Variants in PTPN4 observed in about 807,000 individuals in gnomAD.
PTPN4 encodes tyrosine-protein phosphatase non-receptor type 4.
PTPN4 carries 49 observed loss-of-function variants against 135.5 expected under a neutral mutation model. That is an observed-to-expected ratio of 0.36 (90% CI 0.29 to 0.46). PTPN4 has a LOEUF of 0.46. PTPN4 is among the 20% of genes least tolerant of loss of function. The probability of loss-of-function intolerance (pLI) is 1.00; values close to 1 mark genes in which losing one functional copy is unlikely to be tolerated. For missense variants in PTPN4, 860 were observed against 1,101.0 expected (o/e 0.78, Z 3.10); for synonymous variants, 333 against 369.9 (o/e 0.90, Z 1.14).
At chr2:119,788,267 TA>T (rs1315263389) in intron 1 of PTPN4, among the ~76,000 whole-genome samples, 1 of 152,062 alleles carries the variant, frequency 6.6e-6, no homozygotes, top group Non-Finnish European at 1.5e-5. Flanking sequence ...TTATTTAGAA[TA>T]AGAGAGATCA....
chr2:119,829,771 C>G (rs542144206), intron 2 of PTPN4, among the ~76,000 whole-genome samples: 7 of 152,208 alleles, frequency 4.6e-5, no homozygotes, highest in African/African-American at 1.7e-4. Context: ...ATTAATGTTG[C>G]AAACATTGGC....
chr2:119,942,211 T>C (rs1406321027), intron 15 of PTPN4, among the ~76,000 whole-genome samples: 2 of 152,072 alleles, frequency 1.3e-5, no homozygotes, highest in African/African-American at 4.8e-5. Flanking sequence ...ACCCCAGAAG[T>C]AGAGATTCAA....
intron 15 of PTPN4, among the ~76,000 whole-genome samples, chr2:119,938,853 A>G (rs1350834037): frequency 6.6e-6 from 1 of 152,176 alleles, no homozygotes; most frequent in Admixed American, 6.5e-5. Context: ...CACTGCCACA[A>G]AAAGTTTGGA....
At chr2:119,855,193 C>T (rs1245144145) in intron 2 of PTPN4, among the ~76,000 whole-genome samples, 1 of 152,174 alleles carries the variant, frequency 6.6e-6, no homozygotes, top group African/African-American at 2.4e-5. Flanking sequence ...TCTACCCTTT[C>T]AGTTAAATCT....
At chr2:119,828,022 G>A (rs1462232071) in intron 2 of PTPN4, among the ~76,000 whole-genome samples, 6 of 152,260 alleles carry the variant, frequency 3.9e-5, no homozygotes, top group African/African-American at 1.4e-4. Flanking sequence ...TACCCTTTGT[G>A]GCTCCCAGTC....
intron 2 of PTPN4, among the ~76,000 whole-genome samples, chr2:119,860,026 T>A (rs1055835079): frequency 6.6e-6 from 1 of 152,180 alleles, no homozygotes; most frequent in Non-Finnish European, 1.5e-5. Context: ...CTGTGATATA[T>A]AGGAAGTGAA....
chr2:119,922,248 C>T (rs948634310), intron 12 of PTPN4, among the ~76,000 whole-genome samples: 3 of 142,068 alleles, frequency 2.1e-5, no homozygotes, highest in Admixed American at 6.8e-5. Flanking sequence ...AAAGATCGGC[C>T]GGGAAGGGAG....
At chr2:119,937,397 G>A (rs539606280) in intron 15 of PTPN4, among the ~76,000 whole-genome samples, 46 of 151,992 alleles carry the variant, frequency 3.0e-4, no homozygotes, top group African/African-American at 1.1e-3. Flanking sequence ...ATTTATTTAA[G>A]TGAGTACAGG....
chr2:119,809,381 T>G (rs1196976482), intron 1 of PTPN4, among the ~76,000 whole-genome samples: 1 of 151,854 alleles, frequency 6.6e-6, no homozygotes, highest in Non-Finnish European at 1.5e-5. Flanking sequence ...TTTTTTAAAC[T>G]TCTTGGTTTC....
intron 2 of PTPN4, among the ~76,000 whole-genome samples, chr2:119,837,213 C>T (rs1286275022): frequency 1.3e-5 from 2 of 152,208 alleles, no homozygotes; most frequent in Non-Finnish European, 2.9e-5. Context: ...CAGCCCGATT[C>T]ACACAGATGT....
intron 11 of PTPN4, among the ~76,000 whole-genome samples, chr2:119,916,912 G>T (rs139988711): frequency 6.6e-5 from 10 of 152,296 alleles, no homozygotes; most frequent in African/African-American, 2.4e-4. Context: ...TCTGCTGCTA[G>T]TGGACAGCTT....
At chr2:119,975,861 C>A (rs1434506400) in intron 26 of PTPN4, among the ~76,000 whole-genome samples, 1 of 151,876 alleles carries the variant, frequency 6.6e-6, no homozygotes, top group African/African-American at 2.4e-5. Context: ...TTACATTATT[C>A]CAAAGTATAA....
intron 1 of PTPN4, among the ~76,000 whole-genome samples, chr2:119,789,652 T>C (rs1344730739): frequency 6.6e-6 from 1 of 152,244 alleles, no homozygotes; most frequent in Non-Finnish European, 1.5e-5. Flanking sequence ...TGTTTTACTT[T>C]GACCATTACT....
At chr2:119,844,377 G>T (rs1477227219) in intron 2 of PTPN4, among the ~76,000 whole-genome samples, 3 of 149,306 alleles carry the variant, frequency 2.0e-5, no homozygotes, top group Admixed American at 6.6e-5. Flanking sequence ...CCTCCCGGAC[G>T]GGGTGGCTGC....
intron 10 of PTPN4, among the ~76,000 whole-genome samples, chr2:119,914,071 C>G (rs1228596690): frequency 6.6e-6 from 1 of 151,738 alleles, no homozygotes; most frequent in Non-Finnish European, 1.5e-5. Flanking sequence ...TGATACCTTC[C>G]TGGGAATTTT....
intron 7 of PTPN4, 54 bp from the exon 8 acceptor site, chr2:119,882,449 T>C (rs1678094291): frequency 5.7e-6 from 8 of 1,411,188 alleles, no homozygotes; most frequent in Non-Finnish European, 7.6e-6. Flanking sequence ...GATTTGACTA[T>C]AATAATTTAA....
chr2:119,823,235 C>CTTT (rs904685057), intron 2 of PTPN4, among the ~76,000 whole-genome samples: 2 of 139,642 alleles, frequency 1.4e-5, no homozygotes, highest in Non-Finnish European at 3.1e-5. Context: ...TCATCTGTTT[C>CTTT]TTTTTTTTTT....
chr2:119,934,048 T>G (rs1415878999), intron 14 of PTPN4, among the ~76,000 whole-genome samples: 1 of 152,188 alleles, frequency 6.6e-6, no homozygotes, highest in Non-Finnish European at 1.5e-5. Context: ...AGTAACTAAT[T>G]AACAGTAGCT....
In PTPN4 at chr2:119,952,081, A is replaced by G. The variant is rs1679218995; in HGVS notation, c.1765A>G (p.Ser589Gly). The change falls in exon 19 of 27, where the codon AGT becomes GGT. Residue 589 changes from serine to glycine, a missense_variant. Transcript: ENST00000263708. ...HDQVVLFIKA[S>G]CERHSGELML... is the part of the protein sequence containing the mutation. ...TCAGGTTGTGCTGTTTATTAAAGCT[A>G]GTTGTGAGAGACATTCTGGGGAACT... The G allele has an allele frequency of 3.7e-6, 6 of 1,613,318 alleles. No individual in the cohort carries two copies. The highest frequency in any genetic ancestry group is 5.1e-6 in the Non-Finnish European group (6 of 1,179,370).
Sources: gnomAD v4.1 joint callset for allele counts (sites outside exome capture counted in the v4.1 genomes callset) on GRCh38, gnomAD v4.1.1 for gene constraint, MANE v1.5 for transcripts, NCBI Gene and HGNC (gene_info 2026-07-23, HGNC 2026-07-21) for gene names.